FATE1: variants seen among roughly 807,000 people sequenced by gnomAD.
FATE1 encodes fetal and adult testis-expressed transcript protein.
In FATE1, 18 loss-of-function variants were observed where a neutral mutation model predicts 16.0. The observed-to-expected ratio is 1.12, with a 90% CI of 0.78 to 1.66. The LOEUF (loss-of-function observed/expected upper bound fraction) is 1.66. Among genes scored for constraint, FATE1 ranks in the 40% most tolerant of loss-of-function variants. FATE1 has a pLI of 0.00. For synonymous variants in FATE1, 76 were observed against 56.9 expected (o/e 1.34, Z -1.51); for missense variants, 169 against 152.7 (o/e 1.11, Z -0.56).
intron 2 of FATE1, among the ~76,000 whole-genome samples, chrX:151,720,505 A>G (rs190899211): frequency 1.8e-5 from 2 of 111,887 alleles, no homozygotes; most frequent in East Asian, 5.6e-4. Flanking sequence ...CTGGACTGAA[A>G]TGTCCTGGGT....
rs752539906 is a variant in FATE1 at position 151,721,365 on chromosome X, G to A, written c.235-30G>A. 29 of 1,185,510 alleles carry A rather than the reference G, an allele frequency of 2.4e-5. No individual in the cohort carries two copies. In the East Asian group the frequency reaches 8.3e-4, roughly 34 times the overall value. ...GAAGCCACTCATGTGGGGTTGGGCA[G>A]GCTACTTTACTGACCATTCCTTTCT... On this transcript the variant is annotated intron_variant, in intron 2 of 4. Coordinates refer to ENST00000370350, the MANE Select transcript of FATE1 (RefSeq NM_033085.3).
At chrX:151,718,169 GAA>G (rs1491106646) in intron 2 of FATE1, among the ~76,000 whole-genome samples, 4 of 78,109 alleles carry the variant, frequency 5.1e-5, no homozygotes, top group Non-Finnish European at 7.3e-5. Context: ...AGGAAGGAAG[GAA>G]GGGGAAAAGA....
intron 2 of FATE1, among the ~76,000 whole-genome samples, chrX:151,719,833 G>C (rs922746490): frequency 8.9e-6 from 1 of 111,786 alleles, no homozygotes; most frequent in African/African-American, 3.3e-5. Context: ...AACAGAAGAG[G>C]GCTGCAGATA....
At position 151,717,277 on chromosome X, in the gene FATE1, A is replaced by T; in HGVS notation, c.112A>T (p.Met38Leu). Residue 38 changes from methionine to leucine, a missense_variant, in exon 2 of 5, where the codon ATG becomes TTG. Met to Leu is a conservative substitution (Grantham distance 15). Transcript: ENST00000370350. ...GCTTCTGTTCTTCTCTCTAGAAATG[A>T]TGGAGCTTGGATCTCGGTCCCGGGG... ...NQEHLVIAEM[M>L]ELGSRSRGAS... 1.7e-6 allele frequency: 2 copies of T among 1,205,455 alleles called. No homozygotes were observed. Among genetic ancestry groups the T allele is most frequent in the Non-Finnish European group, 2.2e-6 (2 of 891,377 alleles).
In FATE1 at chrX:151,717,324, G is replaced by T. The variant is rs189855448; in HGVS notation, c.159G>T (p.Lys53Asn). Residue 53 changes from lysine (K) to asparagine (N), a missense_variant, in exon 2 of 5, where the codon AAG becomes AAT. Lys to Asn is a moderately conservative substitution (Grantham distance 94, BLOSUM62 0). Transcript: ENST00000370350. ...RSRGASQKKQ[K>N]LEQKAAGSAS... is the part of the protein sequence containing the mutation. ...GGGGTGCCTCCCAGAAGAAGCAGAA[G>T]TTGGAACAAAAAGCTGCTGGCTCTG... 14 of 1,207,217 alleles carry T rather than the reference G, an allele frequency of 1.2e-5. No individual in the cohort carries two copies. The East Asian group carries it at 3.0e-4, about 26-fold the overall frequency.
At chrX:151,718,229 A>AAGAAAGAAAGAG (rs1260019373) in intron 2 of FATE1, among the ~76,000 whole-genome samples, 10 of 110,663 alleles carry the variant, frequency 9.0e-5, no homozygotes, top group African/African-American at 6.6e-5. Context: ...GAAAGAAAGA[A>AAGAAAGAAAGAG]AGAAAGAAAG....
In FATE1 at chrX:151,722,700, A is replaced by G; in HGVS notation, c.493A>G (p.Ile165Val). Residue 165 changes from isoleucine to valine, a missense_variant, in exon 5 of 5, where the codon ATC (isoleucine) becomes GTC (valine). By Grantham distance (29) the Ile-to-Val change is conservative. Transcript: ENST00000370350. ...CACCTGGCGCCACAGGGAGACCCTG[A>G]TCATCGCCGTGCTGGTGTCGGCCAG... is the stretch of plus-strand genomic sequence containing the variant. The part of the protein sequence containing the change: ...GATWRHRETL[I>V]IAVLVSASIA... The G allele has an allele frequency of 8.3e-7, 1 of 1,212,066 alleles. No individual in the cohort carries two copies. The highest frequency in any genetic ancestry group is 1.1e-6 in the Non-Finnish European group (1 of 895,474).
chrX:151,722,130 C>T (rs1468973925), intron 4 of FATE1, 149 bp downstream of exon 4: 7 of 490,478 alleles, frequency 1.4e-5, no homozygotes, highest in African/African-American at 7.2e-5. Context: ...TCCTCCTCAT[C>T]CCCATGGCTC....
intron 4 of FATE1, among the ~76,000 whole-genome samples, chrX:151,722,203 T>C (rs923398527): frequency 1.8e-5 from 2 of 110,932 alleles, no homozygotes; most frequent in African/African-American, 3.3e-5. Flanking sequence ...TGGTAGGGAA[T>C]AGGGGCAGAT....
chrX:151,718,221 AAGAAAGAAAGAAAGAAAGAG>A (rs1271435693), intron 2 of FATE1, among the ~76,000 whole-genome samples: 3 of 108,962 alleles, frequency 2.8e-5, no homozygotes, highest in African/African-American at 6.7e-5. Flanking sequence ...GAAAGGAAGA[AAGAAAGAAAGAAAGAAAGAG>A]AGAAAGAAAG....
chrX:151,722,438 C>CG (rs1488096325), intron 4 of FATE1, among the ~76,000 whole-genome samples, 190 bp from the exon 5 acceptor site: 22 of 112,993 alleles, frequency 1.9e-4, no homozygotes, highest in Non-Finnish European at 3.9e-4. Flanking sequence ...GGCCTGCAGA[C>CG]GTAGCAGCCA....
chrX:151,723,113 T>C lies in FATE1; in HGVS notation c.*354T>C, dbSNP rs1246001360. ...TGTGGGCAGGGGTGTGGCTTTGTTT[T>C]CCTCCCTCGTTTGCTTCCACCTCGT... On this transcript the variant is annotated 3_prime_UTR_variant, in exon 5 of 5. Coordinates refer to ENST00000370350, the MANE Select transcript of FATE1 (RefSeq NM_033085.3). 1 of 179,532 alleles carries C rather than the reference T, an allele frequency of 5.6e-6. No individual in the cohort carries two copies. Among genetic ancestry groups the C allele is most frequent in the African/African-American group, 3.1e-5 (1 of 32,725 alleles). The allele number at this position is 179,532 out of a possible 1,213,427, so 14.8% of individuals were successfully genotyped here.
chrX:151,722,482 T>G, intron 4 of FATE1, 146 bp from the exon 5 acceptor site: 1 of 865,630 alleles, frequency 1.2e-6, no homozygotes. Flanking sequence ...CCCAGCCTCC[T>G]GCTTCTCACT....
intron 2 of FATE1, among the ~76,000 whole-genome samples, chrX:151,718,265 G>GA (rs2015084958): frequency 9.0e-6 from 1 of 111,406 alleles, no homozygotes; most frequent in African/African-American, 3.3e-5. Context: ...GAAAGAGAAA[G>GA]AAGAAAGAAA....
intron 2 of FATE1, 78 bp downstream of exon 2, chrX:151,717,477 G>C: frequency 9.4e-7 from 1 of 1,058,883 alleles, no homozygotes; most frequent in Non-Finnish European, 1.3e-6. Context: ...AGCCTGACCA[G>C]GTCAGGCAGG....
rs993034277 is a variant in FATE1, at chrX:151,722,680, G to A, written c.473G>A (p.Trp158Ter). 1 of 1,212,201 alleles carries A rather than the reference G, an allele frequency of 8.2e-7. No homozygotes were observed. Among genetic ancestry groups the A allele is most frequent in the Admixed American group, 2.2e-5 (1 of 46,181 alleles). The change falls in exon 5 of 5, where the codon TGG becomes TAG. Residue 158 changes from tryptophan (W) to a stop codon, truncating the protein, a stop_gained. Transcript: ENST00000370350. LOFTEE classifies it high-confidence loss of function. The stretch of plus-strand genomic sequence containing the variant: ...GCCCTGGAGGAACAGGGCGCCACCT[G>A]GCGCCACAGGGAGACCCTGATCATC... ...LRALEEQGAT[W>*]RHRETLIIAV... is the part of the protein sequence containing the mutation.
At chrX:151,718,786 G>A (rs1438757316) in intron 2 of FATE1, among the ~76,000 whole-genome samples, 4 of 111,272 alleles carry the variant, frequency 3.6e-5, no homozygotes, top group Non-Finnish European at 7.5e-5. Flanking sequence ...TCAGATGGAT[G>A]AGGGAAAATT....
At chrX:151,719,926 C>T (rs144425808) in intron 2 of FATE1, among the ~76,000 whole-genome samples, 9 of 111,940 alleles carry the variant, frequency 8.0e-5, no homozygotes, top group Non-Finnish European at 1.1e-4. Context: ...GTACTCTGTG[C>T]GCCTCAGTCA....
intron 3 of FATE1, 52 bp downstream of exon 3, chrX:151,721,553 G>C: frequency 1.9e-6 from 2 of 1,063,411 alleles, no homozygotes; most frequent in South Asian, 3.8e-5. Flanking sequence ...GCCCGGAGTG[G>C]GGCAGAGGGG....
Sources: gnomAD v4.1 joint callset for allele counts (sites outside exome capture counted in the v4.1 genomes callset) on GRCh38, gnomAD v4.1.1 for gene constraint, MANE v1.5 for transcripts, NCBI Gene and HGNC (gene_info 2026-07-23, HGNC 2026-07-21) for gene names.